ST6GALNAC3: variants seen among roughly 807,000 people sequenced by gnomAD.
ST6GALNAC3 encodes the protein ST6 N-acetylgalactosaminide alpha-2,6-sialyltransferase 3.
A neutral mutation model predicts 32.7 loss-of-function variants in ST6GALNAC3; 25 were observed. The observed-to-expected ratio is 0.76, with a 90% confidence interval of 0.56 to 1.07. The LOEUF is 1.07. Ranked by LOEUF, ST6GALNAC3 falls within the 50% of genes least tolerant of loss-of-function variation. ST6GALNAC3 has a pLI of 0.00. For missense variants in ST6GALNAC3, 355 were observed against 382.4 expected (o/e 0.93, Z 0.60); for synonymous variants, 129 against 133.1 (o/e 0.97, Z 0.21).
At chr1:76,451,356 G>C (rs961456596) in intron 3 of ST6GALNAC3, among the ~76,000 whole-genome samples, 1 of 152,110 alleles carries the variant, frequency 6.6e-6, no homozygotes, top group African/African-American at 2.4e-5. Context: ...GTGTGTGCAA[G>C]GGAACTGCCC....
At chr1:76,435,557 T>C (rs963231142) in intron 3 of ST6GALNAC3, among the ~76,000 whole-genome samples, 6 of 152,192 alleles carry the variant, frequency 3.9e-5, no homozygotes, top group African/African-American at 1.4e-4. Context: ...ATTGAATACA[T>C]CTAAAAATGT....
At chr1:76,268,032 C>T (rs969638596) in intron 1 of ST6GALNAC3, among the ~76,000 whole-genome samples, 4 of 152,174 alleles carry the variant, frequency 2.6e-5, no homozygotes, top group African/African-American at 9.7e-5. Flanking sequence ...CTATAGGACT[C>T]ACAGATCTCC....
At chr1:76,599,457 C>A (rs1053838654) in intron 3 of ST6GALNAC3, among the ~76,000 whole-genome samples, 30 of 151,708 alleles carry the variant, frequency 2.0e-4, no homozygotes, top group Admixed American at 7.9e-4. Context: ...TTGCCCCCCA[C>A]CCTCCGACAG....
chr1:76,392,453 A>G (rs1343117383), intron 2 of ST6GALNAC3, among the ~76,000 whole-genome samples: 1 of 152,218 alleles, frequency 6.6e-6, no homozygotes, highest in Non-Finnish European at 1.5e-5. Context: ...AGACCTTGTT[A>G]AGATGTATTA....
chr1:76,563,071 C>A (rs1665339000), intron 3 of ST6GALNAC3, among the ~76,000 whole-genome samples: 1 of 152,160 alleles, frequency 6.6e-6, no homozygotes, highest in African/African-American at 2.4e-5. Flanking sequence ...TTTCAGGCAA[C>A]CTAACAATAT....
At chr1:76,281,178 T>G (rs1469346812) in intron 1 of ST6GALNAC3, among the ~76,000 whole-genome samples, 5 of 152,242 alleles carry the variant, frequency 3.3e-5, no homozygotes, top group Non-Finnish European at 5.9e-5. Context: ...AGCTTTTTTC[T>G]CCTTTAACTG....
intron 1 of ST6GALNAC3, among the ~76,000 whole-genome samples, chr1:76,077,117 C>T (rs1252119012): frequency 2.6e-5 from 4 of 152,172 alleles, no homozygotes; most frequent in African/African-American, 7.2e-5. Flanking sequence ...AGTCCAGAGA[C>T]CTGAGTTCAG....
chr1:76,089,177 T>C (rs553335849), intron 1 of ST6GALNAC3, among the ~76,000 whole-genome samples: 64 of 152,304 alleles, frequency 4.2e-4, no homozygotes, highest in Middle Eastern at 3.4e-3. Context: ...TACAGGCACC[T>C]GCCACTACGC....
intron 1 of ST6GALNAC3, among the ~76,000 whole-genome samples, chr1:76,313,005 A>G (rs1026263800): frequency 2.0e-5 from 3 of 152,028 alleles, no homozygotes; most frequent in African/African-American, 4.8e-5. Context: ...TTTTTCTTCC[A>G]TGGCAGTATG....
intron 3 of ST6GALNAC3, among the ~76,000 whole-genome samples, chr1:76,622,421 A>G (rs546046129): frequency 2.2e-4 from 34 of 152,086 alleles, no homozygotes; most frequent in Admixed American, 3.9e-4. Flanking sequence ...GATGAAGAAA[A>G]TCAGGGGACT....
chr1:76,411,832 G>A (rs1175940892), intron 2 of ST6GALNAC3, among the ~76,000 whole-genome samples, 176 bp from the exon 3 acceptor site: 2 of 152,054 alleles, frequency 1.3e-5, no homozygotes, highest in Admixed American at 6.6e-5. Flanking sequence ...TTTAATGGAA[G>A]CATGCTGTTA....
chr1:76,224,116 C>T (rs924104297), intron 1 of ST6GALNAC3, among the ~76,000 whole-genome samples: 2 of 152,170 alleles, frequency 1.3e-5, no homozygotes, highest in African/African-American at 4.8e-5. Flanking sequence ...TACTTCTCTG[C>T]CTTTGAACCT....
chr1:76,112,012 C>T lies in ST6GALNAC3; in HGVS notation c.18+37128C>T, dbSNP rs528918994. On this transcript the variant is annotated intron_variant, in intron 1 of 4. Coordinates refer to ENST00000328299, the MANE Select transcript of ST6GALNAC3 (RefSeq NM_152996.4). Reference sequence around the variant, plus strand: ...GGGGCTCCTCACTTCCCAGTAGGGGCGGCCGGGCAGAGGCGCCCCTCACCT... The same window carrying T: ...GGGGCTCCTCACTTCCCAGTAGGGGTGGCCGGGCAGAGGCGCCCCTCACCT... Among the ~76,000 whole-genome samples, 219 of 151,616 alleles carry T rather than the reference C, an allele frequency of 1.4e-3. 1 individual carries two copies. The highest frequency in any genetic ancestry group is 5.0e-3 in the African/African-American group (208 of 41,348).
intron 3 of ST6GALNAC3, among the ~76,000 whole-genome samples, chr1:76,438,350 A>G (rs1265601136): frequency 2.0e-5 from 3 of 151,944 alleles, no homozygotes; most frequent in Non-Finnish European, 2.9e-5. Flanking sequence ...ACGGGGTTTC[A>G]CCGTGGTCTC....
At chr1:76,079,724 C>G (rs1646865417) in intron 1 of ST6GALNAC3, among the ~76,000 whole-genome samples, 1 of 152,236 alleles carries the variant, frequency 6.6e-6, no homozygotes, top group East Asian at 1.9e-4. Flanking sequence ...ATTTCCTCTT[C>G]CTCCCCCTGC....
intron 1 of ST6GALNAC3, among the ~76,000 whole-genome samples, chr1:76,287,139 C>T (rs1251373306): frequency 6.6e-6 from 1 of 152,136 alleles, no homozygotes; most frequent in African/African-American, 2.4e-5. Flanking sequence ...AAGCAGTAGT[C>T]AGTGAGAACT....
intron 3 of ST6GALNAC3, among the ~76,000 whole-genome samples, chr1:76,607,030 A>G (rs554483032): frequency 1.5e-4 from 23 of 152,240 alleles, no homozygotes; most frequent in African/African-American, 4.6e-4. Flanking sequence ...TGGGCCTCTC[A>G]TAATTTCTGA....
intron 1 of ST6GALNAC3, among the ~76,000 whole-genome samples, chr1:76,211,096 A>G (rs1655130899): frequency 6.6e-6 from 1 of 152,196 alleles, no homozygotes; most frequent in African/African-American, 2.4e-5. Flanking sequence ...CTTACTCTTA[A>G]TTACTTCTTT....
chr1:76,294,382 ATTTTG>A (rs1402928685), intron 1 of ST6GALNAC3, among the ~76,000 whole-genome samples: 16 of 152,018 alleles, frequency 1.1e-4, no homozygotes, highest in African/African-American at 3.6e-4. Context: ...CCTTTGAAAT[ATTTTG>A]TTTTATCAGA....
Sources: allele counts gnomAD v4.1 joint callset (sites outside exome capture counted in the v4.1 genomes callset), GRCh38; gene constraint gnomAD v4.1.1; transcripts MANE v1.5; gene names NCBI Gene and HGNC (gene_info 2026-07-23, HGNC 2026-07-21).